Variants in TTK observed in about 807,000 individuals in gnomAD.
The protein encoded by TTK is dual specificity protein kinase TTK.
Under a neutral mutation model 117.3 loss-of-function variants are expected in TTK, and 59 were observed. The observed-to-expected ratio is 0.50, with a 90% CI of 0.41 to 0.62. TTK has a LOEUF of 0.62. Among genes scored for constraint, TTK ranks in the 20% least tolerant of loss-of-function variants. The pLI is 0.00. For synonymous variants in TTK, 302 were observed against 325.0 expected (o/e 0.93, Z 0.76); for missense variants, 921 against 989.4 (o/e 0.93, Z 0.93).
chr6:80,012,639 T>G (rs573896487), intron 8 of TTK, among the ~76,000 whole-genome samples: 1 of 152,190 alleles, frequency 6.6e-6, no homozygotes, highest in East Asian at 1.9e-4. Context: ...ATTTTGCAAA[T>G]AAACTTTAGA....
At chr6:80,012,651 A>G (rs2127717085) in intron 8 of TTK, among the ~76,000 whole-genome samples, 1 of 152,198 alleles carries the variant, frequency 6.6e-6, no homozygotes, top group South Asian at 2.1e-4. Flanking sequence ...AACTTTAGAA[A>G]TACGATTGTT....
intron 21 of TTK, 122 bp downstream of exon 21, chr6:80,040,825 C>A: frequency 1.3e-6 from 1 of 765,340 alleles, no homozygotes. Context: ...AAACATGTTT[C>A]TACATTTAGA....
intron 10 of TTK, among the ~76,000 whole-genome samples, chr6:80,019,491 T>C (rs1440313597): frequency 6.6e-6 from 1 of 152,128 alleles, no homozygotes; most frequent in African/African-American, 2.4e-5. Flanking sequence ...GAAAGTCCAC[T>C]ACAGGCATTT....
intron 15 of TTK, 59 bp downstream of exon 15, chr6:80,035,201 A>G (rs1159304241): frequency 2.0e-6 from 3 of 1,534,250 alleles, no homozygotes; most frequent in Non-Finnish European, 1.7e-6. Context: ...TCAGGTAAAT[A>G]TTTAGTAAAC....
chr6:80,006,087 G>T, intron 2 of TTK, 105 bp downstream of exon 2: 2 of 1,434,676 alleles, frequency 1.4e-6, no homozygotes, highest in South Asian at 1.2e-5. Context: ...TGTGTTTATT[G>T]TCTTTCTCCT....
chr6:80,025,199 GT>G (rs1260064351), intron 11 of TTK, among the ~76,000 whole-genome samples: 15 of 152,078 alleles, frequency 9.9e-5, no homozygotes, highest in African/African-American at 3.6e-4. Flanking sequence ...CATTTTCCTT[GT>G]TCATTAATCT....
Position 80,040,662 on chromosome 6 carries a change from G to T in TTK, c.2449G>T (p.Val817Phe), listed in dbSNP as rs774346835. 122 of 1,611,776 alleles carry T rather than the reference G, an allele frequency of 7.6e-5. 1 individual carries two copies. The Admixed American group carries it at 2.0e-3, about 27-fold the overall frequency. ...EEMKYVLGQLVGLNSPNSILK... is the reference protein window; with the variant it reads ...EEMKYVLGQLFGLNSPNSILK... The stretch of plus-strand genomic sequence containing the variant: ...AATGAAATATGTTCTGGGCCAACTT[G>T]TTGGTCTGAATTCTCCTAACTCCAT... The change falls in exon 21 of 22, where the codon GTT becomes TTT. Residue 817 changes from valine to phenylalanine, a missense_variant. Val to Phe is a conservative substitution (Grantham distance 50, BLOSUM62 -1). Coordinates refer to ENST00000369798, the MANE Select transcript of TTK (RefSeq NM_003318.5).
At chr6:80,014,136 A>C (rs1767240838) in intron 9 of TTK, among the ~76,000 whole-genome samples, 1 of 152,164 alleles carries the variant, frequency 6.6e-6, no homozygotes, top group Admixed American at 6.6e-5. Flanking sequence ...CAAAATACTT[A>C]AATCTTTTTT....
chr6:80,024,711 T>C (rs191218227), intron 11 of TTK, among the ~76,000 whole-genome samples: 13 of 152,268 alleles, frequency 8.5e-5, no homozygotes, highest in Non-Finnish European at 1.2e-4. Flanking sequence ...ACTGAGCAAC[T>C]AAAAACCATT....
Position 80,011,780 on chromosome 6 carries a change from A to C in TTK, c.780A>C (p.Arg260Ser). ...DAEIGYRNSLRQTNKTKQSCP... is the reference protein window; with the variant it reads ...DAEIGYRNSLSQTNKTKQSCP... ...AAATAGGTTACCGGAATTCATTGAGACAAACTAACAAAACTAAACAGGTAA... is the reference window on the plus strand; with the variant it reads ...AAATAGGTTACCGGAATTCATTGAGCCAAACTAACAAAACTAAACAGGTAA... The change falls in exon 7 of 22, where the codon AGA becomes AGC. Residue 260 changes from arginine (R) to serine (S), a missense_variant. Arg to Ser is a moderately radical substitution (Grantham distance 110). Coordinates refer to ENST00000369798, the MANE Select transcript of TTK (RefSeq NM_003318.5). 1 of 1,612,832 alleles carries C rather than the reference A, an allele frequency of 6.2e-7. No individual in the cohort carries two copies. Among genetic ancestry groups the C allele is most frequent in the Non-Finnish European group, 8.5e-7 (1 of 1,179,188 alleles).
At chr6:80,022,283 C>A (rs542296248) in intron 10 of TTK, 41 bp from the exon 11 acceptor site, 7 of 1,590,350 alleles carry the variant, frequency 4.4e-6, no homozygotes, top group South Asian at 2.3e-5. Flanking sequence ...TTATTATGAT[C>A]AAATATTCTT....
intron 18 of TTK, among the ~76,000 whole-genome samples, chr6:80,038,965 A>G (rs1767977471): frequency 6.6e-6 from 1 of 152,098 alleles, no homozygotes; most frequent in Non-Finnish European, 1.5e-5. Flanking sequence ...TGCCCATGAC[A>G]ATGTACTTTT....
At chr6:80,018,817 C>A (rs948114311) in intron 10 of TTK, among the ~76,000 whole-genome samples, 6 of 152,072 alleles carry the variant, frequency 3.9e-5, no homozygotes, top group Admixed American at 2.0e-4. Flanking sequence ...ATGATCATTA[C>A]TGTAGAGTTT....
chr6:80,015,567 A>G (rs1767285116), intron 10 of TTK, among the ~76,000 whole-genome samples: 1 of 152,194 alleles, frequency 6.6e-6, no homozygotes, highest in Non-Finnish European at 1.5e-5. Context: ...GCAAACGGGG[A>G]CACACACAAA....
At chr6:80,040,764 A>C (rs994853624) in intron 21 of TTK, 61 bp downstream of exon 21, 1 of 1,519,404 alleles carries the variant, frequency 6.6e-7, no homozygotes, top group Non-Finnish European at 9.0e-7. Context: ...TCGACACTTA[A>C]GGAAACAGGT....
At chr6:80,037,784 G>A (rs1369785850) in intron 17 of TTK, 183 bp from the exon 18 acceptor site, 12 of 265,516 alleles carry the variant, frequency 4.5e-5, no homozygotes, top group Non-Finnish European at 4.2e-5. Context: ...TTTGAAATTT[G>A]CAAGGATATC....
At chr6:80,005,760 G>A (rs1053667275) in intron 1 of TTK, 82 bp from the exon 2 acceptor site, 2 of 1,504,416 alleles carry the variant, frequency 1.3e-6, no homozygotes, top group African/African-American at 1.4e-5. Flanking sequence ...TGCTTTAGTC[G>A]TCTGGGTTCT....
rs561152107 is a variant in TTK, at chr6:80,040,864, C to T, written c.2490+161C>T. Among the ~76,000 whole-genome samples, 6 of 151,882 alleles carry T rather than the reference C, an allele frequency of 4.0e-5. No individual in the cohort carries two copies. The East Asian group carries it at 7.7e-4, about 20-fold the overall frequency. ...TTAACATGTGCATTTTGACAAATAT[C>T]GATTTACTTGATTTATATTCTTCTT... is the stretch of plus-strand genomic sequence containing the variant. On this transcript the variant is annotated intron_variant, in intron 21 of 21. Transcript: ENST00000369798.
chr6:80,014,414 A>G (rs374709522), intron 9 of TTK, 49 bp from the exon 10 acceptor site: 3 of 1,519,376 alleles, frequency 2.0e-6, no homozygotes, highest in Non-Finnish European at 2.7e-6. Flanking sequence ...AAGACAGATT[A>G]GTAGTACTAC....
Sources: gnomAD v4.1 joint callset for allele counts (sites outside exome capture counted in the v4.1 genomes callset) on GRCh38, gnomAD v4.1.1 for gene constraint, MANE v1.5 for transcripts, NCBI Gene and HGNC (gene_info 2026-07-23, HGNC 2026-07-21) for gene names.